Variants in PCCA observed in about 807,000 individuals in gnomAD.
The protein encoded by PCCA is propionyl-CoA carboxylase subunit alpha, also known as propionyl-CoA carboxylase alpha chain, mitochondrial.
PCCA carries 74 observed loss-of-function variants against 101.3 expected under a neutral mutation model. That is an observed-to-expected ratio of 0.73 (90% CI 0.61 to 0.89). The LOEUF is 0.89. Among genes scored for constraint, PCCA ranks in the 40% least tolerant of loss-of-function variants. The pLI, the probability that PCCA is intolerant of heterozygous loss-of-function variation, is 0.00. For synonymous variants in PCCA, 294 were observed against 313.6 expected, an observed-to-expected ratio of 0.94 and a Z score of 0.66; for missense variants, 891 against 907.0, an observed-to-expected ratio of 0.98 and a Z score of 0.23.
intron 6 of PCCA, among the ~76,000 whole-genome samples, chr13:100,177,109 A>G (rs2056313783): frequency 6.6e-6 from 1 of 152,238 alleles, no homozygotes; most frequent in South Asian, 2.1e-4. Context: ...TTAGAATTAA[A>G]GGTGACATCT....
chr13:100,421,322 G>A (rs951204024), intron 19 of PCCA, among the ~76,000 whole-genome samples: 9 of 152,122 alleles, frequency 5.9e-5, no homozygotes, highest in South Asian at 2.1e-4. Context: ...CTATTCTGTC[G>A]CTCTTAAGCA....
In PCCA at chr13:100,322,646, C is replaced by G. The variant is rs550220243; in HGVS notation, c.1430-7915C>G. On this transcript the variant is annotated intron_variant, in intron 16 of 23. Coordinates refer to ENST00000376285, the MANE Select transcript of PCCA (RefSeq NM_000282.4). ...GGTACAGTGATGCAGCCGTAGCTCA[C>G]TACAACTTCGAACTCCTGGGCTCAA... Among the ~76,000 whole-genome samples the G allele has an allele frequency of 3.9e-5, 6 of 151,984 alleles. No individual in the cohort carries two copies. In the South Asian group the frequency reaches 1.2e-3, roughly 32 times the overall value.
intron 4 of PCCA, chr13:100,149,196 A>T (rs1422777636): frequency 1.4e-5 from 2 of 139,024 alleles, no homozygotes; most frequent in Non-Finnish European, 3.1e-5. Flanking sequence ...TCAAATGAAG[A>T]TTGATGCAGT....
chr13:100,328,371 TATAATAATAATA>T (rs58866207), intron 16 of PCCA, among the ~76,000 whole-genome samples: 94 of 141,872 alleles, frequency 6.6e-4, no homozygotes, highest in African/African-American at 2.0e-3. Flanking sequence ...TCAAAAAATA[TATAATAATAATA>T]ATAATAATAA....
At chr13:100,121,395 A>G (rs2049377118) in intron 4 of PCCA, among the ~76,000 whole-genome samples, 2 of 150,010 alleles carry the variant, frequency 1.3e-5, no homozygotes, top group African/African-American at 2.5e-5. Context: ...CCTGACCTCA[A>G]GTGATCCTCC....
chr13:100,323,919 A>G (rs1566935143), intron 16 of PCCA, among the ~76,000 whole-genome samples: 1 of 152,218 alleles, frequency 6.6e-6, no homozygotes, highest in Non-Finnish European at 1.5e-5. Context: ...TAGACCTGGT[A>G]TTTGAACTTG....
intron 4 of PCCA, among the ~76,000 whole-genome samples, chr13:100,136,273 C>G (rs1290106008): frequency 6.7e-6 from 1 of 148,370 alleles, no homozygotes; most frequent in Non-Finnish European, 1.5e-5. Flanking sequence ...GCAACCTCCA[C>G]CTCCCGGGTT....
At chr13:100,093,289 C>A (rs6491543) in intron 1 of PCCA, among the ~76,000 whole-genome samples, 140,149 of 152,190 alleles carry the variant, frequency 0.92, 64,620 homozygotes, top group East Asian at 0.99. Flanking sequence ...TGAGCCCTGA[C>A]GGATATAGTG....
intron 12 of PCCA, among the ~76,000 whole-genome samples, chr13:100,300,544 C>A (rs1329816356): frequency 6.6e-6 from 1 of 152,146 alleles, no homozygotes; most frequent in Non-Finnish European, 1.5e-5. Context: ...TTAGAAGATA[C>A]TTAATTTTTA....
chr13:100,135,466 G>A (rs904017439), intron 4 of PCCA, among the ~76,000 whole-genome samples: 5 of 152,090 alleles, frequency 3.3e-5, no homozygotes, highest in Non-Finnish European at 5.9e-5. Flanking sequence ...GTTTCCAGTT[G>A]TACATTGCTA....
chr13:100,257,028 A>G (rs1309152539), intron 8 of PCCA, among the ~76,000 whole-genome samples: 2 of 152,146 alleles, frequency 1.3e-5, no homozygotes, highest in South Asian at 2.1e-4. Context: ...TAGCTTCTCC[A>G]TTGATACCAG....
chr13:100,359,152 A>G (rs1212750821), intron 18 of PCCA, among the ~76,000 whole-genome samples: 1 of 151,930 alleles, frequency 6.6e-6, no homozygotes, highest in Non-Finnish European at 1.5e-5. Context: ...AAAATGGAAG[A>G]CAGCCTCGGT....
At chr13:100,154,643 C>T in intron 4 of PCCA, 1 of 342,590 alleles carries the variant, frequency 2.9e-6, no homozygotes, top group Non-Finnish European at 5.7e-6. Flanking sequence ...GCTACCCTGG[C>T]TACATGTAAC....
intron 4 of PCCA, chr13:100,150,361 C>T (rs1350902051): frequency 4.4e-6 from 1 of 229,750 alleles, no homozygotes; most frequent in African/African-American, 2.3e-5. Flanking sequence ...TATTTATATC[C>T]AAACATTTAA....
intron 17 of PCCA, among the ~76,000 whole-genome samples, chr13:100,337,757 G>A (rs2070718615): frequency 6.6e-6 from 1 of 152,126 alleles, no homozygotes; most frequent in Admixed American, 6.5e-5. Flanking sequence ...GCAGTGAATG[G>A]GTTCCCCTAA....
chr13:100,519,543 G>A (rs2087079152), intron 22 of PCCA, among the ~76,000 whole-genome samples: 2 of 152,228 alleles, frequency 1.3e-5, no homozygotes, highest in Admixed American at 1.3e-4. Flanking sequence ...ACTTCACCCT[G>A]ATTTTGTTTC....
At chr13:100,379,039 T>C (rs1050603887) in intron 19 of PCCA, among the ~76,000 whole-genome samples, 1 of 152,138 alleles carries the variant, frequency 6.6e-6, no homozygotes, top group African/African-American at 2.4e-5. Context: ...ACATGTAGGG[T>C]AATATTCGCT....
chr13:100,402,848 A>G (rs1404105095), intron 19 of PCCA, among the ~76,000 whole-genome samples: 1 of 152,238 alleles, frequency 6.6e-6, no homozygotes, highest in Non-Finnish European at 1.5e-5. Context: ...TGAATTGGCT[A>G]GTCCAAATTT....
At chr13:100,475,981 G>A (rs66536176) in intron 21 of PCCA, among the ~76,000 whole-genome samples, 37,651 of 151,912 alleles carry the variant, frequency 0.25, 4,803 homozygotes, top group African/African-American at 0.27. Context: ...CCCCCCAAAA[G>A]CAACAAAGCA....
Sources: allele counts gnomAD v4.1 joint callset (sites outside exome capture counted in the v4.1 genomes callset), GRCh38; gene constraint gnomAD v4.1.1; transcripts MANE v1.5; gene names NCBI Gene and HGNC (gene_info 2026-07-23, HGNC 2026-07-21).